ATG7: variants seen among roughly 807,000 people sequenced by gnomAD.
ATG7 encodes the protein ubiquitin-like modifier-activating enzyme ATG7.
A neutral mutation model predicts 82.4 loss-of-function variants in ATG7; 70 were observed. The ratio of observed to expected loss-of-function variants is 0.85; its 90% CI spans 0.70 to 1.04. The LOEUF is 1.04. Ranked by LOEUF, ATG7 falls within the 50% of genes least tolerant of loss-of-function variation. The pLI, the probability that ATG7 is intolerant of heterozygous loss-of-function variation, is 0.00. For missense variants in ATG7, 792 were observed against 864.3 expected (o/e 0.92, Z 1.05); for synonymous variants, 287 against 313.0 (o/e 0.92, Z 0.88).
At chr3:11,517,244 G>A (rs2092307797) in intron 20 of ATG7, among the ~76,000 whole-genome samples, 1 of 152,066 alleles carries the variant, frequency 6.6e-6, no homozygotes, top group Non-Finnish European at 1.5e-5. Flanking sequence ...GGGAGGCTGA[G>A]GCAGGAGAAT....
At chr3:11,568,946 A>G in the ATG7 span, 42 of 1,219,786 alleles carry the variant, frequency 3.4e-5, no homozygotes, top group Non-Finnish European at 4.3e-5. The surrounding 1 kb of genome is among the most constrained non-coding windows in gnomAD (Gnocchi z 5.9). Context: ...CTGCCCACGG[A>G]GAGAAAGATG....
At chr3:11,359,483 C>T (rs1303590038) in intron 15 of ATG7, among the ~76,000 whole-genome samples, 1 of 151,804 alleles carries the variant, frequency 6.6e-6, no homozygotes, top group African/African-American at 2.4e-5. Flanking sequence ...ATTGCTTGAC[C>T]CAGGAGTTTG....
At chr3:11,521,445 C>T (rs1007543114) in intron 20 of ATG7, among the ~76,000 whole-genome samples, 2 of 152,094 alleles carry the variant, frequency 1.3e-5, no homozygotes, top group South Asian at 2.1e-4. Context: ...AAAGGCGCAT[C>T]GCACAGCAGG....
downstream of ATG7, chr3:11,559,418 G>A: frequency 1.3e-6 from 2 of 1,564,166 alleles, no homozygotes; most frequent in Non-Finnish European, 1.7e-6. Context: ...GCAGTTGCGG[G>A]CGCCAGCCGA....
At chr3:11,357,688 A>G (rs1375695815) in intron 14 of ATG7, among the ~76,000 whole-genome samples, 2 of 152,168 alleles carry the variant, frequency 1.3e-5, no homozygotes, top group Non-Finnish European at 2.9e-5. Context: ...GCAATTTGGA[A>G]GCAAATAGGA....
chr3:11,358,553 T>C lies in ATG7; in HGVS notation c.1420T>C (p.Leu474=). 1.2e-6 allele frequency: 2 copies of C among 1,614,092 alleles called. No homozygotes were observed. Among genetic ancestry groups the C allele is most frequent in the Non-Finnish European group, 1.7e-6 (2 of 1,179,984 alleles). ...CGAAAGCCATGATGTCGTCTTCCTATTGATGGACACCAGGGAGAGCCGGTG... is the reference window on the plus strand; with the variant it reads ...CGAAAGCCATGATGTCGTCTTCCTACTGATGGACACCAGGGAGAGCCGGTG... ...LIESHDVVFL[L]MDTRESRWLP... Residue 474 remains leucine, a synonymous_variant, in exon 15 of 21, where the codon TTG becomes CTG. Coordinates refer to ENST00000693202, the MANE Select transcript of ATG7 (RefSeq NM_001349232.2).
At chr3:11,289,644 T>G (rs1462478246) in intron 3 of ATG7, among the ~76,000 whole-genome samples, 1 of 152,178 alleles carries the variant, frequency 6.6e-6, no homozygotes, top group Non-Finnish European at 1.5e-5. Flanking sequence ...AGCCTCAACC[T>G]CCTGGTGGGC....
chr3:11,403,749 G>A (rs1035090259), intron 19 of ATG7, among the ~76,000 whole-genome samples: 10 of 152,170 alleles, frequency 6.6e-5, no homozygotes, highest in Admixed American at 1.3e-4. Context: ...CCCTGAGGTC[G>A]AAGTATGAAT....
chr3:11,400,203 A>C (rs1053522145), intron 19 of ATG7, among the ~76,000 whole-genome samples: 3 of 152,192 alleles, frequency 2.0e-5, no homozygotes, highest in African/African-American at 7.2e-5. Context: ...CTGCTGGTAG[A>C]TCATATAACT....
rs1311772569 is a variant in ATG7 at position 11,554,691 on chromosome 3, G to GAA, written c.2080-118_2080-117dup. Reference sequence around the variant, plus strand: ...ACAGAAATGGGGTGACAGTCCCTCAGAAACAAGGGAGTGGTTCTGCAGGTG... The same window carrying GAA: ...ACAGAAATGGGGTGACAGTCCCTCAGAAAAACAAGGGAGTGGTTCTGCAGGTG... On this transcript the variant is annotated intron_variant, in intron 20 of 20. Coordinates refer to ENST00000693202, the MANE Select transcript of ATG7 (RefSeq NM_001349232.2). The GAA allele has an allele frequency of 4.7e-5, 58 of 1,243,106 alleles. No individual in the cohort carries two copies. In the East Asian group the frequency reaches 1.4e-3, roughly 31 times the overall value. 77.0% of individuals were successfully genotyped at this position (1,243,106 alleles called of 1,614,324 possible).
chr3:11,475,409 G>C (rs2088040852), intron 20 of ATG7, among the ~76,000 whole-genome samples: 1 of 152,172 alleles, frequency 6.6e-6, no homozygotes, highest in Admixed American at 6.5e-5. Flanking sequence ...AACCAGAGCT[G>C]CATGATGGGC....
At chr3:11,407,441 A>G (rs926905494) in intron 19 of ATG7, among the ~76,000 whole-genome samples, 3 of 152,126 alleles carry the variant, frequency 2.0e-5, no homozygotes, top group East Asian at 1.9e-4. Flanking sequence ...CAGTGGATCT[A>G]TCATTCTGAG....
At chr3:11,336,433 T>C (rs1021100600) in intron 11 of ATG7, among the ~76,000 whole-genome samples, 3 of 152,190 alleles carry the variant, frequency 2.0e-5, no homozygotes, top group Non-Finnish European at 4.4e-5. Flanking sequence ...TAATGCCTGA[T>C]ATTAAATGTA....
intron 19 of ATG7, among the ~76,000 whole-genome samples, chr3:11,400,726 A>G (rs2079757679): frequency 6.6e-6 from 1 of 152,162 alleles, no homozygotes; most frequent in Non-Finnish European, 1.5e-5. Flanking sequence ...AATGTATAAA[A>G]TAATGTACTA....
intron 20 of ATG7, among the ~76,000 whole-genome samples, chr3:11,427,569 G>A (rs983556976): frequency 6.7e-6 from 1 of 149,360 alleles, no homozygotes; most frequent in Admixed American, 6.7e-5. Flanking sequence ...TATAATCCAA[G>A]CACTTTGAGA....
intron 9 of ATG7, among the ~76,000 whole-genome samples, chr3:11,318,745 G>T (rs183735278): frequency 1.3e-5 from 2 of 152,250 alleles, no homozygotes; most frequent in African/African-American, 4.8e-5. Flanking sequence ...GATACATCCT[G>T]TGCTCTGGCT....
intron 20 of ATG7, among the ~76,000 whole-genome samples, chr3:11,440,321 C>CTCT (rs2083764163): frequency 1.5e-5 from 1 of 67,158 alleles, no homozygotes; most frequent in Non-Finnish European, 2.9e-5. Context: ...CTGGCCTTTA[C>CTCT]TCTTTTTTTT....
At chr3:11,570,804 T>C in the ATG7 span, among the ~76,000 whole-genome samples, 1 of 152,182 alleles carries the variant, frequency 6.6e-6, no homozygotes, top group Non-Finnish European at 1.5e-5. Flanking sequence ...TCCTCCCTGC[T>C]TCTAAATGTC....
chr3:11,388,636 G>A (rs1199632954), intron 19 of ATG7, among the ~76,000 whole-genome samples: 1 of 151,986 alleles, frequency 6.6e-6, no homozygotes, highest in Non-Finnish European at 1.5e-5. Flanking sequence ...CACCGTGTTA[G>A]CTAGGATGGT....
Sources: gnomAD v4.1 joint callset for allele counts (sites outside exome capture counted in the v4.1 genomes callset) on GRCh38, gnomAD v4.1.1 for gene constraint, Gnocchi (gnomAD v3.1) non-coding constraint, MANE v1.5 for transcripts, NCBI Gene and HGNC (gene_info 2026-07-23, HGNC 2026-07-21) for gene names.